DHDDS: variants seen among roughly 807,000 people sequenced by gnomAD.
The protein encoded by DHDDS is dehydrodolichyl diphosphate synthase complex subunit DHDDS.
In DHDDS, 16 loss-of-function variants were observed where a neutral mutation model predicts 46.2. The ratio of observed to expected loss-of-function variants is 0.35; its 90% CI spans 0.23 to 0.53. The LOEUF (loss-of-function observed/expected upper bound fraction) is 0.53. DHDDS is among the 20% of genes least tolerant of loss of function. The pLI is 0.94. For missense variants in DHDDS, 340 were observed against 423.7 expected, an observed-to-expected ratio of 0.80 and a Z score of 1.73; for synonymous variants, 151 against 163.1, an observed-to-expected ratio of 0.93 and a Z score of 0.56.
At chr1:26,456,238 G>GT (rs1466499135) in intron 6 of DHDDS, among the ~76,000 whole-genome samples, 1 of 152,160 alleles carries the variant, frequency 6.6e-6, no homozygotes, top group African/African-American at 2.4e-5. Flanking sequence ...TGAGCATGGT[G>GT]TTGCACACCT....
In DHDDS at chr1:26,436,029, C is replaced by T. The variant is rs576049338; in HGVS notation, c.64-2139C>T. On this transcript the variant is annotated intron_variant, in intron 2 of 8. Coordinates refer to ENST00000236342, the MANE Select transcript of DHDDS (RefSeq NM_205861.3). Reference sequence around the variant, plus strand: ...CCTCCCAAAGTGCTGGGATTACAGACGTGAGCCACTGCACCTGGCCCTATG... The same window carrying T: ...CCTCCCAAAGTGCTGGGATTACAGATGTGAGCCACTGCACCTGGCCCTATG... 2.6e-3 allele frequency among the ~76,000 whole-genome samples: 397 copies of T among 151,344 alleles called. 2 individuals are homozygous for T. Among genetic ancestry groups the T allele is most frequent in the African/African-American group, 9.2e-3 (380 of 41,330 alleles).
intron 2 of DHDDS, among the ~76,000 whole-genome samples, chr1:26,433,287 G>T (rs1192292055): frequency 6.6e-6 from 1 of 152,076 alleles, no homozygotes. Flanking sequence ...TGTTTCCCTG[G>T]AACATTGATC....
intron 2 of DHDDS, among the ~76,000 whole-genome samples, chr1:26,437,026 T>C (rs1444348963): frequency 2.0e-5 from 3 of 151,762 alleles, no homozygotes; most frequent in Non-Finnish European, 4.4e-5. Flanking sequence ...AAAAATTAGC[T>C]GGGCATGGTG....
At position 26,470,684 on chromosome 1, in the gene DHDDS, T is replaced by C. The variant is rs1319946582; in HGVS notation, c.*1553T>C. ...ATTGAGAAGCCAATCAGTGAACCCTTTGGCAAAGCCCCCATCCACACCTGG... is the reference window on the plus strand; with the variant it reads ...ATTGAGAAGCCAATCAGTGAACCCTCTGGCAAAGCCCCCATCCACACCTGG... On this transcript the variant is annotated 3_prime_UTR_variant, in exon 9 of 9. Coordinates refer to ENST00000236342, the MANE Select transcript of DHDDS (RefSeq NM_205861.3). The C allele has an allele frequency of 6.6e-6, 1 of 152,642 alleles. No individual in the cohort carries two copies. Among genetic ancestry groups the C allele is most frequent in the African/African-American group, 2.4e-5 (1 of 41,430 alleles). The allele number at this position is 152,642 out of a possible 1,614,324, so 9.5% of individuals were successfully genotyped here.
Position 26,432,891 on chromosome 1 carries a change from A to T in DHDDS, c.-55A>T. The T allele has an allele frequency of 5.0e-6, 8 of 1,590,178 alleles. No homozygotes were observed. Among genetic ancestry groups the T allele is most frequent in the Non-Finnish European group, 6.9e-6 (8 of 1,158,250 alleles). On this transcript the variant is annotated splice_region_variant and 5_prime_UTR_variant, in exon 2 of 9. Coordinates refer to ENST00000236342, the MANE Select transcript of DHDDS (RefSeq NM_205861.3). ...TTATTTTCTTTCTTGTTTATCCAAG[A>T]TTACCTGGCTGGTGTTTGCTTGTTC...
chr1:26,468,101 G>A (rs1391730497), intron 8 of DHDDS, among the ~76,000 whole-genome samples: 2 of 152,216 alleles, frequency 1.3e-5, no homozygotes, highest in East Asian at 1.9e-4. Flanking sequence ...GAGGCTTGAA[G>A]GCTCTCAAAC....
chr1:26,468,629 C>T (rs1158261053), intron 8 of DHDDS, among the ~76,000 whole-genome samples: 1 of 152,124 alleles, frequency 6.6e-6, no homozygotes, highest in African/African-American at 2.4e-5. Context: ...TGTTTGGTTC[C>T]AAGAGCATGA....
rs1421223894 is a variant in DHDDS, at chr1:26,446,309, T to C, written c.324-7T>C. On this transcript the variant is annotated splice_polypyrimidine_tract_variant and splice_region_variant and intron_variant, in intron 4 of 8. Coordinates refer to ENST00000236342, the MANE Select transcript of DHDDS (RefSeq NM_205861.3). ...CTATCCCAATGCTGCCTCTTTTCCC[T>C]GATCAGGGAGAAACTGCAGAAGCAT... 6 of 1,613,486 alleles carry C rather than the reference T, an allele frequency of 3.7e-6. No individual in the cohort carries two copies. The highest frequency in any genetic ancestry group is 4.2e-6 in the Non-Finnish European group (5 of 1,179,586).
chr1:26,462,239 T>A lies in DHDDS; in HGVS notation c.765+2095T>A, dbSNP rs111634696. 2.0e-3 allele frequency among the ~76,000 whole-genome samples: 305 copies of A among 152,120 alleles called. 2 individuals carry two copies. Among genetic ancestry groups the A allele is most frequent in the Non-Finnish European group, 3.6e-3 (243 of 67,980 alleles). ...CCTCACTATGTTGCCCAGGCTGGTC[T>A]TGAACTCTTAAGCTCAAGTGATCCT... On this transcript the variant is annotated intron_variant, in intron 8 of 8. Coordinates refer to ENST00000236342, the MANE Select transcript of DHDDS (RefSeq NM_205861.3).
intron 6 of DHDDS, chr1:26,454,869 A>T (rs539103570): frequency 1.3e-6 from 2 of 1,591,438 alleles, no homozygotes; most frequent in East Asian, 4.5e-5. Flanking sequence ...TCTACATTTA[A>T]ACCCTTAAGT....
At chr1:26,447,005 G>T (rs186294880) in intron 5 of DHDDS, among the ~76,000 whole-genome samples, 11 of 152,246 alleles carry the variant, frequency 7.2e-5, no homozygotes, top group Admixed American at 2.0e-4. Flanking sequence ...CTGAAAGCCG[G>T]TGTACAGTAG....
At chr1:26,462,569 C>T (rs542342783) in intron 8 of DHDDS, among the ~76,000 whole-genome samples, 1 of 152,192 alleles carries the variant, frequency 6.6e-6, no homozygotes, top group South Asian at 2.1e-4. Flanking sequence ...ACAAGGAAAC[C>T]AGATAGTCAA....
At chr1:26,465,140 T>C (rs988983227) in intron 8 of DHDDS, among the ~76,000 whole-genome samples, 4 of 152,280 alleles carry the variant, frequency 2.6e-5, no homozygotes, top group Admixed American at 2.0e-4. Flanking sequence ...GTTGCATGGA[T>C]GGTAGGTCCT....
chr1:26,440,593 C>T (rs573643326), intron 3 of DHDDS, among the ~76,000 whole-genome samples: 7 of 152,188 alleles, frequency 4.6e-5, no homozygotes, highest in Non-Finnish European at 1.0e-4. Context: ...TTGTTATTAG[C>T]AACTGTATTG....
intron 6 of DHDDS, among the ~76,000 whole-genome samples, chr1:26,457,499 A>C (rs2075381620): frequency 6.6e-6 from 1 of 150,640 alleles, no homozygotes; most frequent in Non-Finnish European, 1.5e-5. Flanking sequence ...TAAATACCTT[A>C]TGTATCAGAA....
At chr1:26,437,878 G>A (rs943007812) in intron 2 of DHDDS, among the ~76,000 whole-genome samples, 11 of 152,188 alleles carry the variant, frequency 7.2e-5, no homozygotes, top group African/African-American at 1.4e-4. Context: ...CTCAGCGGGA[G>A]GCAGAGGTGG....
rs149949619 is a variant in DHDDS at position 26,438,244 on chromosome 1, G to A, written c.140G>A (p.Arg47Gln). The change falls in exon 3 of 9, where the codon CGG becomes CAG. Residue 47 changes from arginine (R) to glutamine (Q), a missense_variant. By Grantham distance (43) the Arg-to-Gln change is conservative. Coordinates refer to ENST00000236342, the MANE Select transcript of DHDDS (RefSeq NM_205861.3). ...RRYAKKCQVERQEGHSQGFNK... is the reference protein window; with the variant it reads ...RRYAKKCQVEQQEGHSQGFNK... ...TATGCCAAGAAGTGCCAGGTGGAGC[G>A]GCAGGAAGGCCACTCACAGGGCTTC... 5.0e-4 allele frequency: 812 copies of A among 1,614,034 alleles called. 5 individuals carry two copies. The African/African-American group carries it at 8.3e-3, about 16-fold the overall frequency.
chr1:26,442,862 G>A lies in DHDDS; in HGVS notation c.312G>A (p.Leu104=), dbSNP rs146693904. Residue 104 remains leucine, a synonymous_variant, in exon 4 of 9, where the codon TTG becomes TTA. Coordinates refer to ENST00000236342, the MANE Select transcript of DHDDS (RefSeq NM_205861.3). Reference sequence around the variant, plus strand: ...TGGCCCGGCAGAAGTTCAGCCGCTTGATGGAAGAAAAGTAAGATGCTATCA... The same window carrying A: ...TGGCCCGGCAGAAGTTCAGCCGCTTAATGGAAGAAAAGTAAGATGCTATCA... ...MDLARQKFSR[L]MEEKEKLQKH... is the part of the protein sequence containing the mutation. 16 of 1,614,008 alleles carry A rather than the reference G, an allele frequency of 9.9e-6. No individual in the cohort carries two copies. The African/African-American group carries it at 1.6e-4, about 16-fold the overall frequency.
chr1:26,457,316 A>T (rs1474124878), intron 6 of DHDDS, among the ~76,000 whole-genome samples: 1 of 151,226 alleles, frequency 6.6e-6, no homozygotes, highest in Non-Finnish European at 1.5e-5. Context: ...AAAAAAAAAA[A>T]AAACAAATTA....
Sources: allele counts gnomAD v4.1 joint callset (sites outside exome capture counted in the v4.1 genomes callset), GRCh38; gene constraint gnomAD v4.1.1; transcripts MANE v1.5; gene names NCBI Gene and HGNC (gene_info 2026-07-23, HGNC 2026-07-21).